MAGI2: variants seen among roughly 807,000 people sequenced by gnomAD.
MAGI2 encodes the protein membrane-associated guanylate kinase, WW and PDZ domain-containing protein 2.
In MAGI2, 35 loss-of-function variants were observed where a neutral mutation model predicts 133.3. The observed-to-expected ratio is 0.26, with a 90% CI of 0.20 to 0.35. The LOEUF is 0.35. Ranked by LOEUF, MAGI2 falls within the 10% of genes least tolerant of loss-of-function variation. The pLI is 1.00. For synonymous variants in MAGI2, 729 were observed against 710.6 expected (o/e 1.03, Z -0.41); for missense variants, 1,636 against 1,863.4 (o/e 0.88, Z 2.25).
intron 1 of MAGI2, among the ~76,000 whole-genome samples, chr7:79,209,885 G>A (rs1585207661): frequency 6.6e-6 from 1 of 151,814 alleles, no homozygotes. Context: ...GCATATCCTG[G>A]TACCACATAT....
At chr7:78,372,792 T>C (rs1156728948) in intron 6 of MAGI2, among the ~76,000 whole-genome samples, 1 of 152,178 alleles carries the variant, frequency 6.6e-6, no homozygotes. Context: ...CAGCATGCTA[T>C]ATTTTTTAAA....
intron 1 of MAGI2, among the ~76,000 whole-genome samples, chr7:79,068,751 C>G (rs989564384): frequency 6.6e-6 from 1 of 152,186 alleles, no homozygotes; most frequent in Non-Finnish European, 1.5e-5. Context: ...CCTCCACACA[C>G]TGCTTTAAAT....
chr7:79,144,864 C>G (rs1822467721), intron 1 of MAGI2, among the ~76,000 whole-genome samples: 1 of 152,154 alleles, frequency 6.6e-6, no homozygotes, highest in Non-Finnish European at 1.5e-5. Flanking sequence ...CCCAACCCCT[C>G]TATTTATCTT....
chr7:78,467,545 C>T (rs12538015), intron 6 of MAGI2, among the ~76,000 whole-genome samples: 40,358 of 151,198 alleles, frequency 0.27, 5,616 homozygotes, highest in Non-Finnish European at 0.32. Flanking sequence ...CAACAATATA[C>T]TTAGAGGGTA....
intron 2 of MAGI2, among the ~76,000 whole-genome samples, chr7:78,963,271 T>C (rs1803014206): frequency 6.6e-6 from 1 of 152,132 alleles, no homozygotes; most frequent in Non-Finnish European, 1.5e-5. Flanking sequence ...AAGAAAAGTT[T>C]ACAGACCTTG....
intron 1 of MAGI2, among the ~76,000 whole-genome samples, chr7:79,335,050 G>C (rs1840342672): frequency 6.6e-6 from 1 of 152,084 alleles, no homozygotes; most frequent in Non-Finnish European, 1.5e-5. Flanking sequence ...ACATGGCTGA[G>C]CTACGACTTG....
chr7:79,350,429 C>A (rs1841610658), intron 1 of MAGI2, among the ~76,000 whole-genome samples: 1 of 151,966 alleles, frequency 6.6e-6, no homozygotes, highest in South Asian at 2.1e-4. Context: ...ATTTTGGGAA[C>A]ATATAATTTA....
intron 1 of MAGI2, among the ~76,000 whole-genome samples, chr7:79,315,498 G>T (rs1403993124): frequency 6.6e-6 from 1 of 151,698 alleles, no homozygotes; most frequent in Non-Finnish European, 1.5e-5. Context: ...TTAAAGTAAT[G>T]ATCTGACCCA....
At chr7:78,483,807 A>C (rs1002060472) in intron 6 of MAGI2, among the ~76,000 whole-genome samples, 3 of 151,962 alleles carry the variant, frequency 2.0e-5, no homozygotes, top group African/African-American at 7.2e-5. Context: ...AAGATATTTG[A>C]AATTTCATTT....
chr7:79,274,157 A>G (rs1185457472), intron 1 of MAGI2, among the ~76,000 whole-genome samples: 1 of 152,140 alleles, frequency 6.6e-6, no homozygotes, highest in Non-Finnish European at 1.5e-5. Context: ...CCCATGAAAT[A>G]TTTAGAACAC....
At chr7:78,868,873 C>T (rs1348025892) in intron 2 of MAGI2, among the ~76,000 whole-genome samples, 4 of 152,204 alleles carry the variant, frequency 2.6e-5, no homozygotes, top group Admixed American at 2.6e-4. Flanking sequence ...CCTGCCACAG[C>T]CTCCAGAGTA....
chr7:79,235,172 T>C (rs113929065), intron 1 of MAGI2, among the ~76,000 whole-genome samples: 2,588 of 151,672 alleles, frequency 0.017, 36 homozygotes, highest in South Asian at 0.027. Flanking sequence ...CAGCTGCGTG[T>C]TGGGAGAACC....
At chr7:78,456,504 T>C (rs117679828) in intron 6 of MAGI2, among the ~76,000 whole-genome samples, 8,047 of 152,282 alleles carry the variant, frequency 0.053, 284 homozygotes, top group Non-Finnish European at 0.067. Context: ...CCAGGCATTG[T>C]GAAAATTGAC....
chr7:79,227,768 G>C (rs2129553935), intron 1 of MAGI2, among the ~76,000 whole-genome samples: 1 of 152,258 alleles, frequency 6.6e-6, no homozygotes, highest in Non-Finnish European at 1.5e-5. Context: ...TATAGAAAAA[G>C]TTGAATTGTT....
intron 2 of MAGI2, among the ~76,000 whole-genome samples, chr7:78,754,561 T>C (rs1417487733): frequency 2.0e-5 from 3 of 152,138 alleles, no homozygotes; most frequent in Non-Finnish European, 2.9e-5. Flanking sequence ...TCAAAATTCT[T>C]AGAGGCTCTA....
At chr7:79,198,739 T>A (rs895713608) in intron 1 of MAGI2, among the ~76,000 whole-genome samples, 5 of 151,182 alleles carry the variant, frequency 3.3e-5, no homozygotes, top group Admixed American at 6.6e-5. Flanking sequence ...ATAAAAAAAA[T>A]TAGCTGGGTG....
At chr7:79,286,970 T>C (rs1301803571) in intron 1 of MAGI2, among the ~76,000 whole-genome samples, 2 of 152,138 alleles carry the variant, frequency 1.3e-5, no homozygotes, top group African/African-American at 4.8e-5. Flanking sequence ...ATTGGACTAA[T>C]ATTTATTCCT....
intron 6 of MAGI2, among the ~76,000 whole-genome samples, chr7:78,475,627 A>G (rs1791667825): frequency 6.6e-6 from 1 of 151,954 alleles, no homozygotes. Flanking sequence ...TCATAGAAAT[A>G]AAGCTTAATA....
chr7:78,889,062 A>C (rs1379036055), intron 2 of MAGI2, among the ~76,000 whole-genome samples: 2 of 152,240 alleles, frequency 1.3e-5, no homozygotes, highest in Non-Finnish European at 2.9e-5. Context: ...AAACCATGGC[A>C]CAAGAACTAC....
Sources: allele counts gnomAD v4.1 joint callset (sites outside exome capture counted in the v4.1 genomes callset), GRCh38; gene constraint gnomAD v4.1.1; transcripts MANE v1.5; gene names NCBI Gene and HGNC (gene_info 2026-07-23, HGNC 2026-07-21).